Variants in LARGE1 observed in about 807,000 individuals in gnomAD.
LARGE1 encodes the protein LARGE xylosyl- and glucuronyltransferase 1.
In LARGE1, 43 loss-of-function variants were observed where a neutral mutation model predicts 87.6. That is an observed-to-expected ratio of 0.49 (90% CI 0.38 to 0.63). The LOEUF is 0.63. Among genes scored for constraint, LARGE1 ranks in the 30% least tolerant of loss-of-function variants. The pLI, the probability that LARGE1 is intolerant of heterozygous loss-of-function variation, is 0.00. For missense variants in LARGE1, 802 were observed against 1,000.2 expected (o/e 0.80, Z 2.67); for synonymous variants, 434 against 394.6 (o/e 1.10, Z -1.18).
chr22:33,251,447 C>T (rs1927006684), intron 11 of LARGE1, among the ~76,000 whole-genome samples: 1 of 152,054 alleles, frequency 6.6e-6, no homozygotes, highest in Admixed American at 6.6e-5. Flanking sequence ...TCATGCCAAA[C>T]ATGAAACAGG....
intron 11 of LARGE1, among the ~76,000 whole-genome samples, chr22:33,305,795 T>A (rs967238204): frequency 6.6e-6 from 1 of 152,146 alleles, no homozygotes; most frequent in Admixed American, 6.6e-5. Flanking sequence ...TTCTCATCCA[T>A]TATAATGCTT....
At chr22:33,627,086 G>A (rs1408509916) in intron 3 of LARGE1, among the ~76,000 whole-genome samples, 1 of 152,216 alleles carries the variant, frequency 6.6e-6, no homozygotes, top group Non-Finnish European at 1.5e-5. Flanking sequence ...AGGTCCTCCA[G>A]AGCTGGGCTT....
At chr22:33,119,311 G>A in the LARGE1 span, among the ~76,000 whole-genome samples, 1 of 152,134 alleles carries the variant, frequency 6.6e-6, no homozygotes, top group East Asian at 1.9e-4. Flanking sequence ...TAAGAATCTG[G>A]ACATTTCTAA....
At position 33,637,276 on chromosome 22, in the gene LARGE1, G is replaced by C. The variant is rs555916835; in HGVS notation, c.409-10950C>G. Among the ~76,000 whole-genome samples the C allele has an allele frequency of 1.1e-4, 16 of 152,308 alleles. No homozygotes were observed. In the East Asian group the frequency reaches 3.1e-3, roughly 29 times the overall value. ...GACCCTTTCATCATTTTTAAAATGAGAGAGTTGCATCTTTATTTGTTGTTG... is the reference window on the plus strand; with the variant it reads ...GACCCTTTCATCATTTTTAAAATGACAGAGTTGCATCTTTATTTGTTGTTG... On this transcript the variant is annotated intron_variant, in intron 3 of 14. Coordinates refer to ENST00000397394, the MANE Select transcript of LARGE1 (RefSeq NM_133642.5).
chr22:33,515,499 T>A (rs190560754), intron 6 of LARGE1, among the ~76,000 whole-genome samples: 1 of 152,164 alleles, frequency 6.6e-6, no homozygotes, highest in Non-Finnish European at 1.5e-5. Flanking sequence ...TATGTGTTTG[T>A]TGAATGAATG....
rs35976426 is a variant in LARGE1, at chr22:33,441,071, CTT to C, written c.788-8808_788-8807del. Among the ~76,000 whole-genome samples, 447 of 98,498 alleles carry C rather than the reference CTT, an allele frequency of 4.5e-3. 5 individuals are homozygous for C. The highest frequency in any genetic ancestry group is 0.02 in the African/African-American group (418 of 20,394). 64.6% of individuals were successfully genotyped at this position (98,498 alleles called of 152,430 possible). A position where few individuals can be genotyped will look rare whatever the true frequency, so the allele number is the denominator to read the frequency against. On this transcript the variant is annotated intron_variant, in intron 6 of 14. Transcript: ENST00000397394. ...CTCAGCTGCTGCTATTTTGTTTGAACTTTTTTTTTTTTTTTTTTTTGAGAGGG... is the reference window on the plus strand; with the variant it reads ...CTCAGCTGCTGCTATTTTGTTTGAACTTTTTTTTTTTTTTTTTTGAGAGGG...
intron 7 of LARGE1, among the ~76,000 whole-genome samples, chr22:33,390,871 A>AT (rs1166396228): frequency 6.6e-6 from 1 of 151,844 alleles, no homozygotes; most frequent in Non-Finnish European, 1.5e-5. Context: ...TGTTTTTTGT[A>AT]TTTTTAAGAG....
intron 11 of LARGE1, among the ~76,000 whole-genome samples, chr22:33,254,336 ACAGC>A (rs1927152634): frequency 6.6e-6 from 1 of 152,192 alleles, no homozygotes; most frequent in Non-Finnish European, 1.5e-5. Context: ...AAAAACTAGG[ACAGC>A]TGGCAGTCTT....
intron 9 of LARGE1, among the ~76,000 whole-genome samples, chr22:33,370,499 T>A (rs113068016): frequency 0.012 from 1,775 of 152,310 alleles, 22 homozygotes; most frequent in African/African-American, 0.035. Context: ...TAGATTAGCA[T>A]TTAAGTTTAG....
intron 2 of LARGE1, among the ~76,000 whole-genome samples, chr22:33,734,633 G>A (rs2083592313): frequency 6.6e-6 from 1 of 152,152 alleles, no homozygotes; most frequent in South Asian, 2.1e-4. Context: ...TTGCATGGAA[G>A]CCCTGTTTAG....
upstream of LARGE1, among the ~76,000 whole-genome samples, chr22:33,920,948 G>A (rs561752351): frequency 6.7e-6 from 1 of 148,928 alleles, no homozygotes; most frequent in East Asian, 2.0e-4. Context: ...TCCGGGCTCC[G>A]GGCTGGCCCC....
In LARGE1 at chr22:33,846,864, G is replaced by A. The variant is rs957620323; in HGVS notation, c.-83+73131C>T. Among the ~76,000 whole-genome samples, 44 of 152,160 alleles carry A rather than the reference G, an allele frequency of 2.9e-4. 1 individual carries two copies. Among genetic ancestry groups the A allele is most frequent in the Non-Finnish European group, 6.2e-4 (42 of 68,026 alleles). ...TCAAAACCCTGTCTCCTGATAAGATGTTATCAATGACAATGGTGCCCGAAA... is the reference window on the plus strand; with the variant it reads ...TCAAAACCCTGTCTCCTGATAAGATATTATCAATGACAATGGTGCCCGAAA... On this transcript the variant is annotated intron_variant, in intron 1 of 14. Coordinates refer to ENST00000397394, the MANE Select transcript of LARGE1 (RefSeq NM_133642.5).
At position 33,273,554 on chromosome 22, in the gene LARGE1, C is replaced by T. The variant is rs1928553018; in HGVS notation, c.*873G>A. On this transcript the variant is annotated 3_prime_UTR_variant, in exon 15 of 15. Transcript: ENST00000397394. ...ATGTGACCGGTGTAAAACAGCCAGC[C>T]CTCGTAATTCCGCAGTCCCCATCGC... 1 of 398,574 alleles carries T rather than the reference C, an allele frequency of 2.5e-6. No individual in the cohort carries two copies. Among genetic ancestry groups the T allele is most frequent in the African/African-American group, 2.1e-5 (1 of 48,602 alleles). The allele number at this position is 398,574 out of a possible 1,614,324, so 24.7% of individuals were successfully genotyped here. A position where few individuals can be genotyped will look rare whatever the true frequency, so the allele number is the denominator to read the frequency against.
chr22:33,363,318 A>G (rs1052979856), intron 9 of LARGE1, among the ~76,000 whole-genome samples: 1 of 149,862 alleles, frequency 6.7e-6, no homozygotes, highest in East Asian at 1.9e-4. Flanking sequence ...TTAATGGAGA[A>G]CTCACAGTTC....
chr22:33,476,633 T>C (rs1192995920), intron 6 of LARGE1, among the ~76,000 whole-genome samples: 1 of 152,222 alleles, frequency 6.6e-6, no homozygotes, highest in Non-Finnish European at 1.5e-5. Context: ...TCAGATACTT[T>C]GGGTTCATAT....
At chr22:33,859,095 C>T (rs989075946) in intron 1 of LARGE1, among the ~76,000 whole-genome samples, 1 of 152,004 alleles carries the variant, frequency 6.6e-6, no homozygotes, top group Non-Finnish European at 1.5e-5. Flanking sequence ...ATGTAGATGA[C>T]GGGTTGATGG....
intron 6 of LARGE1, among the ~76,000 whole-genome samples, chr22:33,435,419 G>C (rs746162885): frequency 2.6e-5 from 4 of 152,216 alleles, no homozygotes; most frequent in African/African-American, 4.8e-5. Context: ...CCAAGGGCAA[G>C]ATACTACAAG....
chr22:33,484,060 C>G (rs1211806569), intron 6 of LARGE1, among the ~76,000 whole-genome samples: 1 of 152,170 alleles, frequency 6.6e-6, no homozygotes, highest in Non-Finnish European at 1.5e-5. Context: ...CATTTATCTA[C>G]CCGGGCTGTA....
chr22:33,769,265 T>TAC (rs1178598419), intron 1 of LARGE1, among the ~76,000 whole-genome samples: 1 of 152,152 alleles, frequency 6.6e-6, no homozygotes, highest in African/African-American at 2.4e-5. Flanking sequence ...CCCACTTCAT[T>TAC]ACACCCACCT....
Sources: gnomAD v4.1 joint callset for allele counts (sites outside exome capture counted in the v4.1 genomes callset) on GRCh38, gnomAD v4.1.1 for gene constraint, MANE v1.5 for transcripts, NCBI Gene and HGNC (gene_info 2026-07-23, HGNC 2026-07-21) for gene names.